NLRP14: variants seen among roughly 807,000 people sequenced by gnomAD.
NLRP14 encodes NLR family pyrin domain containing 14, also known as NACHT, LRR and PYD domains-containing protein 14.
NLRP14 carries 105 observed loss-of-function variants against 94.7 expected under a neutral mutation model. The observed-to-expected ratio is 1.11, with a 90% CI of 0.95 to 1.30. The LOEUF is 1.30. Ranked by LOEUF, NLRP14 falls within the 50% of genes most tolerant of loss-of-function variation. NLRP14 has a pLI of 0.00. For missense variants in NLRP14, 1,362 were observed against 1,254.1 expected (o/e 1.09, Z -1.30); for synonymous variants, 508 against 459.9 (o/e 1.10, Z -1.34).
Position 7,035,528 on chromosome 11 carries a change from A to G in NLRP14, c.-21-3038A>G, listed in dbSNP as rs562206610. Reference sequence around the variant, plus strand: ...GCTCAACATCATATAACGCACGTATAGTATCCCCCAAGGAAATATCCAGCC... The same window carrying G: ...GCTCAACATCATATAACGCACGTATGGTATCCCCCAAGGAAATATCCAGCC... On this transcript the variant is annotated intron_variant, in intron 1 of 11. Transcript: ENST00000299481. Among the ~76,000 whole-genome samples the G allele has an allele frequency of 7.9e-5, 12 of 152,356 alleles. No homozygotes were observed. In the South Asian group the frequency reaches 1.2e-3, roughly 16 times the overall value.
chr11:7,029,990 G>A (rs867148381), intron 1 of NLRP14, among the ~76,000 whole-genome samples: 2 of 152,126 alleles, frequency 1.3e-5, no homozygotes, highest in African/African-American at 2.4e-5. Flanking sequence ...TGCCAATAAC[G>A]CTTAAAGTTC....
chr11:7,034,894 C>T lies in NLRP14; in HGVS notation c.-21-3672C>T, dbSNP rs1852140796. Among the ~76,000 whole-genome samples, 2 of 152,140 alleles carry T rather than the reference C, an allele frequency of 1.3e-5. 1 individual carries two copies. Among genetic ancestry groups the T allele is most frequent in the Admixed American group, 1.3e-4 (2 of 15,272 alleles). On this transcript the variant is annotated intron_variant, in intron 1 of 11. Coordinates refer to ENST00000299481, the MANE Select transcript of NLRP14 (RefSeq NM_176822.4). ...TGAACGACCCTGAATTATTTCCTCC[C>T]AATTATGGTGTCTCTTCTATAATAT...
chr11:7,021,160 C>G lies in NLRP14; in HGVS notation c.-22+390C>G, dbSNP rs187643368. Among the ~76,000 whole-genome samples, 56 of 152,326 alleles carry G rather than the reference C, an allele frequency of 3.7e-4. No homozygotes were observed. The East Asian group carries it at 0.011, about 29-fold the overall frequency. ...GATTCAAATCTGACAACACCACTTA[C>G]GAGATCTTGGCTGGATTACCTAACC... On this transcript the variant is annotated intron_variant, in intron 1 of 11. Coordinates refer to ENST00000299481, the MANE Select transcript of NLRP14 (RefSeq NM_176822.4).
At position 7,043,002 on chromosome 11, in the gene NLRP14, G is replaced by C. The variant is rs577444777; in HGVS notation, c.976G>C (p.Glu326Gln). 5 of 1,614,128 alleles carry C rather than the reference G, an allele frequency of 3.1e-6. No homozygotes were observed. Among genetic ancestry groups the C allele is most frequent in the African/African-American group, 1.3e-5 (1 of 75,030 alleles). Reference protein sequence around the residue: ...KQLLKNHHYVELLGMSEDARE... With the variant: ...KQLLKNHHYVQLLGMSEDARE... ...GTTGTTGAAGAATCACCATTATGTA[G>C]AGCTACTAGGAATGTCTGAGGATGC... Residue 326 changes from glutamate (E) to glutamine (Q), a missense_variant, in exon 4 of 12, where the codon GAG (glutamate) becomes CAG (glutamine). Glu to Gln is a conservative substitution (Grantham distance 29). Transcript: ENST00000299481.
chr11:7,089,398 G>T, the NLRP14 span: 2 of 1,592,202 alleles, frequency 1.3e-6, no homozygotes, highest in South Asian at 1.1e-5. Context: ...GAGAGCAGCC[G>T]GCGGGGCCCG....
chr11:7,047,186 A>G (rs1487333360), intron 5 of NLRP14, among the ~76,000 whole-genome samples: 1 of 152,248 alleles, frequency 6.6e-6, no homozygotes, highest in Non-Finnish European at 1.5e-5. Context: ...AAAAATTTGC[A>G]TTTAACAAAG....
Position 7,058,461 on chromosome 11 carries a change from T to G in NLRP14, c.2633+11T>G. On this transcript the variant is annotated intron_variant, in intron 8 of 11. Coordinates refer to ENST00000299481, the MANE Select transcript of NLRP14 (RefSeq NM_176822.4). ...TCTGAAGAGCCTTGTGTAAGTGTCT[T>G]CAAGTTTTTATCCTTAATATATATT... 1 of 1,594,956 alleles carries G rather than the reference T, an allele frequency of 6.3e-7. No individual in the cohort carries two copies. The highest frequency in any genetic ancestry group is 8.6e-7 in the Non-Finnish European group (1 of 1,162,922).
Position 7,042,427 on chromosome 11 carries a change from T to G in NLRP14, c.401T>G (p.Phe134Cys). 6.2e-7 allele frequency: 1 copy of G among 1,614,050 alleles called. No individual in the cohort carries two copies. Among genetic ancestry groups the G allele is most frequent in the Non-Finnish European group, 8.5e-7 (1 of 1,179,900 alleles). Residue 134 changes from phenylalanine to cysteine, a missense_variant, in exon 4 of 12, where the codon TTT becomes TGT. Coordinates refer to ENST00000299481, the MANE Select transcript of NLRP14 (RefSeq NM_176822.4). ...TEYRNRIKEKFCITWDKKSLA... is the reference protein window; with the variant it reads ...TEYRNRIKEKCCITWDKKSLA... ...TACAGAAATAGAATAAAGGAAAAAT[T>G]TTGCATCACTTGGGACAAGAAGTCT... is the stretch of plus-strand genomic sequence containing the variant.
chr11:7,078,491 T>C, the NLRP14 span, among the ~76,000 whole-genome samples: 1 of 131,306 alleles, frequency 7.6e-6, no homozygotes, highest in South Asian at 2.5e-4. Flanking sequence ...TTAAATTACA[T>C]TTTAAAGAAA....
intron 1 of NLRP14, among the ~76,000 whole-genome samples, chr11:7,031,750 C>G (rs1852100378): frequency 6.6e-6 from 1 of 152,182 alleles, no homozygotes; most frequent in East Asian, 1.9e-4. Flanking sequence ...TGAGTCTTCC[C>G]CTAGCCCCTC....
In NLRP14 at chr11:7,042,618, T is replaced by G; in HGVS notation, c.592T>G (p.Leu198Val). ...GKTTLVRKAM[L>V]DWAEGSLYQQ... is the part of the protein sequence containing the mutation. Reference sequence around the variant, plus strand: ...AACAACCTTGGTGAGAAAGGCAATGTTAGATTGGGCAGAGGGCAGTCTCTA... The same window carrying G: ...AACAACCTTGGTGAGAAAGGCAATGGTAGATTGGGCAGAGGGCAGTCTCTA... The change falls in exon 4 of 12, where the codon TTA becomes GTA. Residue 198 changes from leucine (L) to valine (V), a missense_variant. Coordinates refer to ENST00000299481, the MANE Select transcript of NLRP14 (RefSeq NM_176822.4). 1 of 1,614,196 alleles carries G rather than the reference T, an allele frequency of 6.2e-7. No individual in the cohort carries two copies.
chr11:7,021,780 G>A (rs917016689), intron 1 of NLRP14, among the ~76,000 whole-genome samples: 5 of 150,058 alleles, frequency 3.3e-5, no homozygotes, highest in Non-Finnish European at 5.9e-5. Flanking sequence ...TATCAATTGC[G>A]GCTATTTAAA....
chr11:7,085,165 T>C, the NLRP14 span, among the ~76,000 whole-genome samples: 1 of 152,248 alleles, frequency 6.6e-6, no homozygotes, highest in Non-Finnish European at 1.5e-5. Flanking sequence ...AGTATATTCA[T>C]ATTTACTGTG....
At chr11:7,037,372 A>T (rs1226530278) in intron 1 of NLRP14, among the ~76,000 whole-genome samples, 1 of 152,142 alleles carries the variant, frequency 6.6e-6, no homozygotes, top group African/African-American at 2.4e-5. Context: ...TTAAAAGAAA[A>T]ACTCTCCCTT....
chr11:7,031,304 T>A (rs1012531019), intron 1 of NLRP14, among the ~76,000 whole-genome samples: 1 of 152,154 alleles, frequency 6.6e-6, no homozygotes. Context: ...TGCGAGTCCA[T>A]CCAGCGTCCA....
In NLRP14 at chr11:7,070,320, C is replaced by A; in HGVS notation, c.3010C>A (p.Gln1004Lys). Reference sequence around the variant, plus strand: ...CTGTGGTTTGACATCTCTCTGCTGTCAAGATCTCTCCTCTGCTCTTATCTG... The same window carrying A: ...CTGTGGTTTGACATCTCTCTGCTGTAAAGATCTCTCCTCTGCTCTTATCTG... ...EYCGLTSLCC[Q>K]DLSSALICNK... Residue 1004 changes from glutamine (Q) to lysine (K), a missense_variant, in exon 11 of 12, where the codon CAA (glutamine) becomes AAA (lysine). Gln to Lys is a moderately conservative substitution (Grantham distance 53). Coordinates refer to ENST00000299481, the MANE Select transcript of NLRP14 (RefSeq NM_176822.4). 1 of 1,611,956 alleles carries A rather than the reference C, an allele frequency of 6.2e-7. No homozygotes were observed. Among genetic ancestry groups the A allele is most frequent in the Non-Finnish European group, 8.5e-7 (1 of 1,178,234 alleles).
intron 8 of NLRP14, 60 bp downstream of exon 8, chr11:7,058,510 A>G: frequency 1.6e-6 from 2 of 1,258,206 alleles, no homozygotes; most frequent in Non-Finnish European, 2.3e-6. Flanking sequence ...TATGTTTAAA[A>G]TAGTAAAATA....
chr11:7,089,159 G>A, the NLRP14 span: 2 of 1,614,032 alleles, frequency 1.2e-6, no homozygotes, highest in Non-Finnish European at 8.5e-7. Flanking sequence ...TGTTCATTGG[G>A]GGCCTCAACC....
chr11:7,088,941 G>A, the NLRP14 span: 3 of 692,490 alleles, frequency 4.3e-6, no homozygotes, highest in South Asian at 3.8e-5. Flanking sequence ...GGAAACAGCC[G>A]ACCAATCACA....
Sources: gnomAD v4.1 joint callset for allele counts (sites outside exome capture counted in the v4.1 genomes callset) on GRCh38, gnomAD v4.1.1 for gene constraint, MANE v1.5 for transcripts, NCBI Gene and HGNC (gene_info 2026-07-23, HGNC 2026-07-21) for gene names.